The following CRHR1 variants were observed in gnomAD, a reference collection of about 807,000 sequenced individuals.
CRHR1 encodes corticotropin releasing hormone receptor 1, also known as corticotropin-releasing hormone receptor 1.
Under a neutral mutation model 56.0 loss-of-function variants are expected in CRHR1, and 28 were observed. That is an observed-to-expected ratio of 0.50 (90% CI 0.37 to 0.69). CRHR1 has a LOEUF of 0.69. Among genes scored for constraint, CRHR1 ranks in the 30% least tolerant of loss-of-function variants. The pLI, the probability that CRHR1 is intolerant of heterozygous loss-of-function variation, is 0.00. For synonymous variants in CRHR1, 195 were observed against 216.5 expected, an observed-to-expected ratio of 0.90 and a Z score of 0.87; for missense variants, 376 against 548.0, an observed-to-expected ratio of 0.69 and a Z score of 3.13.
chr17:45,823,100 C>T (rs1313679355), intron 4 of CRHR1, among the ~76,000 whole-genome samples: 5 of 149,064 alleles, frequency 3.4e-5, no homozygotes, highest in East Asian at 2.0e-4. Context: ...GCCCAGATCG[C>T]GCCACAGCAC....
chr17:45,814,116 G>A (rs999191129), intron 2 of CRHR1, among the ~76,000 whole-genome samples: 13 of 152,272 alleles, frequency 8.5e-5, no homozygotes, highest in African/African-American at 3.1e-4. Context: ...AGGAAGGGCA[G>A]GGGCCACACT....
Position 45,833,907 on chromosome 17 carries a change from G to A in CRHR1, c.1065+58G>A, listed in dbSNP as rs1000289963. The A allele has an allele frequency of 5.6e-5, 91 of 1,612,406 alleles. 1 individual carries two copies. The Middle Eastern group carries it at 1.2e-3, about 20-fold the overall frequency. ...TTGGGTGGGGATTCTGCCAAGCAGAGGCCTGGAGGGCAGGAGGCCAGGGAG... is the reference window on the plus strand; with the variant it reads ...TTGGGTGGGGATTCTGCCAAGCAGAAGCCTGGAGGGCAGGAGGCCAGGGAG... On this transcript the variant is annotated intron_variant, in intron 11 of 12. Coordinates refer to ENST00000314537, the MANE Select transcript of CRHR1 (RefSeq NM_004382.5).
At position 45,784,397 on chromosome 17, in the gene CRHR1, A is replaced by G. The variant is rs553287003; in HGVS notation, c.-148A>G. On this transcript the variant is annotated 5_prime_UTR_variant, in exon 1 of 13. Coordinates refer to ENST00000314537, the MANE Select transcript of CRHR1 (RefSeq NM_004382.5). The surrounding 1 kb of genome is among the most constrained non-coding windows in gnomAD (Gnocchi z 4.2). ...GCCGGGCCGGGCCGCGGGGCCGGGAAGCGCCGAGCCGGGCATCTCCTCACC... is the reference window on the plus strand; with the variant it reads ...GCCGGGCCGGGCCGCGGGGCCGGGAGGCGCCGAGCCGGGCATCTCCTCACC... 1,288 of 511,162 alleles carry G rather than the reference A, an allele frequency of 2.5e-3. 3 individuals are homozygous for G. The highest frequency in any genetic ancestry group is 3.5e-3 in the Non-Finnish European group (1,168 of 337,514). 31.7% of individuals were successfully genotyped at this position (511,162 alleles called of 1,614,324 possible).
intron 1 of CRHR1, among the ~76,000 whole-genome samples, chr17:45,787,526 A>C (rs896737932): frequency 6.6e-6 from 1 of 152,168 alleles, no homozygotes; most frequent in Admixed American, 6.5e-5. Flanking sequence ...AATGATTGCA[A>C]CCTCACTCTT....
chr17:45,818,254 G>C (rs2061968579), intron 3 of CRHR1, among the ~76,000 whole-genome samples: 1 of 152,230 alleles, frequency 6.6e-6, no homozygotes, highest in Admixed American at 6.5e-5. Flanking sequence ...GCTGGGTGGG[G>C]CCGGCCAGGC....
chr17:45,814,013 G>A (rs2146327890), intron 2 of CRHR1, among the ~76,000 whole-genome samples: 1 of 152,352 alleles, frequency 6.6e-6, no homozygotes, highest in South Asian at 2.1e-4. Context: ...CTCGGCTCTG[G>A]CCTCGTCCTC....
intron 10 of CRHR1, 60 bp downstream of exon 10, chr17:45,833,597 C>G (rs968897603): frequency 3.8e-6 from 6 of 1,595,536 alleles, no homozygotes; most frequent in Non-Finnish European, 5.2e-6. Flanking sequence ...CCCCATGCCT[C>G]TCACGTGCCA....
In CRHR1 at chr17:45,830,203, C is replaced by A. The variant is rs372583994; in HGVS notation, c.544C>A (p.Gln182Lys). 8.7e-6 allele frequency: 14 copies of A among 1,614,126 alleles called. No homozygotes were observed. Among genetic ancestry groups the A allele is most frequent in the Non-Finnish European group, 8.5e-6 (10 of 1,180,022 alleles). The change falls in exon 6 of 13, where the codon CAG (glutamine) becomes AAG (lysine). Residue 182 changes from glutamine to lysine, a missense_variant. Gln to Lys is a moderately conservative substitution (Grantham distance 53, BLOSUM62 1). Around this residue, in one of 2 missense-constraint regions of CRHR1, gnomAD observed 369 missense variants for 519.5 expected, o/e 0.71. Coordinates refer to ENST00000314537, the MANE Select transcript of CRHR1 (RefSeq NM_004382.5). ...VQLTMSPEVHQSNVGWCRLVT... is the reference protein window; with the variant it reads ...VQLTMSPEVHKSNVGWCRLVT... ...GCTAACCATGAGCCCCGAGGTCCAC[C>A]AGAGCAACGTGGTACGTCCTGGCAG...
chr17:45,829,378 G>A (rs1568068349), intron 5 of CRHR1, 57 bp downstream of exon 5: 1 of 1,514,954 alleles, frequency 6.6e-7, no homozygotes, highest in Non-Finnish European at 9.1e-7. Context: ...CAGAAGCAGG[G>A]TGGAGAAGTG....
At chr17:45,824,833 ACGTTCCAT>A (rs1304852746) in intron 4 of CRHR1, among the ~76,000 whole-genome samples, 1 of 151,740 alleles carries the variant, frequency 6.6e-6, no homozygotes, top group Non-Finnish European at 1.5e-5. Flanking sequence ...CCTATGGGAG[ACGTTCCAT>A]TCACCTGCCG....
chr17:45,788,651 G>T, intron 1 of CRHR1, among the ~76,000 whole-genome samples: 1 of 152,224 alleles, frequency 6.6e-6, no homozygotes, highest in South Asian at 2.1e-4. Context: ...TCTGCTTTCA[G>T]AAAAAGCTGC....
At chr17:45,829,968 G>T in intron 5 of CRHR1, 126 bp from the exon 6 acceptor site, 1 of 1,453,626 alleles carries the variant, frequency 6.9e-7, no homozygotes. Flanking sequence ...GTGTGACTTG[G>T]CCAGTCAGCC....
chr17:45,785,387 C>G (rs999608949), intron 1 of CRHR1, among the ~76,000 whole-genome samples: 4 of 152,270 alleles, frequency 2.6e-5, no homozygotes, highest in African/African-American at 9.6e-5. Context: ...CCGCTCGTGT[C>G]AGGCGTCACT....
At chr17:45,822,106 T>C (rs1568059819) in intron 4 of CRHR1, among the ~76,000 whole-genome samples, 1 of 152,220 alleles carries the variant, frequency 6.6e-6, no homozygotes, top group Non-Finnish European at 1.5e-5. Flanking sequence ...TGTTTTTACC[T>C]GAATGTTGCA....
Position 45,833,187 on chromosome 17 carries a change from G to A in CRHR1, c.820G>A (p.Gly274Ser). ...GGTGTACACCGACTACATCTACCAG[G>A]GCCCCATGATCCTGGTCCTGCTGGT... ...PGVYTDYIYQ[G>S]PMILVLLINF... The change falls in exon 9 of 13, where the codon GGC (glycine) becomes AGC (serine). Residue 274 changes from glycine to serine, a missense_variant. Transcript: ENST00000314537. 10 of 1,614,124 alleles carry A rather than the reference G, an allele frequency of 6.2e-6. No individual in the cohort carries two copies. Among genetic ancestry groups the A allele is most frequent in the Non-Finnish European group, 8.5e-6 (10 of 1,180,008 alleles).
chr17:45,821,716 C>T (rs1292089684), intron 4 of CRHR1, among the ~76,000 whole-genome samples: 1 of 152,202 alleles, frequency 6.6e-6, no homozygotes, highest in Non-Finnish European at 1.5e-5. Context: ...ATCGGGCAGC[C>T]GCTTGCACTG....
intron 1 of CRHR1, among the ~76,000 whole-genome samples, chr17:45,793,760 G>C (rs2061468453): frequency 6.6e-6 from 1 of 152,228 alleles, no homozygotes; most frequent in South Asian, 2.1e-4. Context: ...TGTCCCTAAA[G>C]CTGACAGGGC....
At chr17:45,830,067 C>T in intron 5 of CRHR1, 27 bp from the exon 6 acceptor site, 2 of 1,613,774 alleles carry the variant, frequency 1.2e-6, no homozygotes, top group Non-Finnish European at 8.5e-7. Context: ...CTATCGCTCC[C>T]ATCATCCACC....
chr17:45,831,012 G>A, intron 8 of CRHR1, 72 bp downstream of exon 8: 1 of 1,444,130 alleles, frequency 6.9e-7, no homozygotes, highest in East Asian at 2.3e-5. Flanking sequence ...ACTCCCCACG[G>A]GCATTGGCCA....
Sources: allele counts gnomAD v4.1 joint callset (sites outside exome capture counted in the v4.1 genomes callset), GRCh38; gene constraint gnomAD v4.1.1; regional missense constraint gnomAD v4.1.1; non-coding constraint Gnocchi (gnomAD v3.1); transcripts MANE v1.5; gene names NCBI Gene and HGNC (gene_info 2026-07-23, HGNC 2026-07-21).